The following OLFM3 variants were observed in gnomAD, a reference collection of about 807,000 sequenced individuals.
OLFM3 encodes noelin-3.
OLFM3 carries 20 observed loss-of-function variants against 48.6 expected under a neutral mutation model. That is an observed-to-expected ratio of 0.41 (90% CI 0.29 to 0.60). The LOEUF is 0.60. Among genes scored for constraint, OLFM3 ranks in the 20% least tolerant of loss-of-function variants. The pLI is 0.28. For missense variants in OLFM3, 437 were observed against 544.3 expected (o/e 0.80, Z 1.96); for synonymous variants, 222 against 198.1 (o/e 1.12, Z -1.01).
At chr1:101,842,972 G>A (rs1165186572) in intron 1 of OLFM3, among the ~76,000 whole-genome samples, 10 of 152,100 alleles carry the variant, frequency 6.6e-5, no homozygotes, top group African/African-American at 1.4e-4. Context: ...GCCCTATCAC[G>A]AAATGAGCAT....
At chr1:101,924,508 C>T (rs563658170) in intron 1 of OLFM3, among the ~76,000 whole-genome samples, 4 of 152,018 alleles carry the variant, frequency 2.6e-5, no homozygotes, top group Non-Finnish European at 5.9e-5. Context: ...GAAAATTAAC[C>T]CATTGTATTA....
At chr1:101,961,188 T>A (rs1660456625) in intron 1 of OLFM3, among the ~76,000 whole-genome samples, 1 of 152,052 alleles carries the variant, frequency 6.6e-6, no homozygotes, top group South Asian at 2.1e-4. Flanking sequence ...ATTAATGACT[T>A]TTGTAAATTT....
rs1403145426 is a variant in OLFM3 at position 101,991,008 on chromosome 1, AAAAAAAAAATATAT to A, written c.69+5726_69+5739del. ...AAAAAGTAAAAAAAAAAAAAAAAAA[AAAAAAAAAATATAT>A]ATATATATATATATATATACTTCGT... On this transcript the variant is annotated intron_variant, in intron 1 of 5. Transcript: ENST00000370103. Among the ~76,000 whole-genome samples, 4 of 98,248 alleles carry A rather than the reference AAAAAAAAAATATAT, an allele frequency of 4.1e-5. No individual in the cohort carries two copies. In the East Asian group the frequency reaches 8.9e-4, roughly 22 times the overall value. 64.5% of individuals were successfully genotyped at this position (98,248 alleles called of 152,430 possible).
intron 1 of OLFM3, among the ~76,000 whole-genome samples, chr1:101,965,870 A>C (rs972856277): frequency 2.0e-5 from 3 of 152,204 alleles, no homozygotes; most frequent in Non-Finnish European, 2.9e-5. Flanking sequence ...GGGGCTGATC[A>C]TTGCCTTTTG....
intron 2 of OLFM3, among the ~76,000 whole-genome samples, chr1:101,835,044 T>C (rs1204670382): frequency 1.3e-5 from 2 of 152,212 alleles, no homozygotes; most frequent in East Asian, 3.8e-4. Flanking sequence ...TAGGTGTGAA[T>C]ATGTAATGCT....
intron 1 of OLFM3, among the ~76,000 whole-genome samples, chr1:101,964,661 C>T (rs1205758309): frequency 6.6e-6 from 1 of 152,164 alleles, no homozygotes; most frequent in Non-Finnish European, 1.5e-5. Context: ...ATTTTCACCT[C>T]ACAATCATGA....
intron 1 of OLFM3, among the ~76,000 whole-genome samples, chr1:101,956,095 T>TATTTTA (rs1553183049): frequency 2.8e-5 from 4 of 143,714 alleles, no homozygotes; most frequent in Non-Finnish European, 4.5e-5. Flanking sequence ...GGTTTTTTTT[T>TATTTTA]TTTTTTTTAA....
chr1:101,841,040 A>C (rs1570549284), intron 1 of OLFM3, among the ~76,000 whole-genome samples: 1 of 152,220 alleles, frequency 6.6e-6, no homozygotes, highest in Non-Finnish European at 1.5e-5. Flanking sequence ...AGTTTTAACA[A>C]TTGTATTACA....
chr1:101,845,290 A>C (rs1020411042), intron 1 of OLFM3, among the ~76,000 whole-genome samples: 77 of 152,236 alleles, frequency 5.1e-4, no homozygotes, highest in Admixed American at 5.0e-3. Flanking sequence ...ACAATTTTTC[A>C]ATCAGTAAGT....
chr1:101,863,394 A>T (rs906728618), intron 1 of OLFM3, among the ~76,000 whole-genome samples: 4 of 152,258 alleles, frequency 2.6e-5, no homozygotes, highest in Non-Finnish European at 5.9e-5. Context: ...TCTTTCTGCT[A>T]CATAACAGCC....
intron 4 of OLFM3, among the ~76,000 whole-genome samples, chr1:101,808,795 C>T (rs1653907444): frequency 6.6e-6 from 1 of 151,486 alleles, no homozygotes; most frequent in African/African-American, 2.4e-5. Flanking sequence ...TATGTATAAC[C>T]GAGGATGGCC....
At position 101,858,553 on chromosome 1, in the gene OLFM3, G is replaced by A. The variant is rs375973400; in HGVS notation, c.70-21528C>T. 1.3e-4 allele frequency among the ~76,000 whole-genome samples: 20 copies of A among 152,106 alleles called. 1 individual carries two copies. Among genetic ancestry groups the A allele is most frequent in the East Asian group, 9.6e-4 (5 of 5,182 alleles). ...GGATTTGTGTCCCCACCCAAATCTC[G>A]TATCAAATTGTAATTCTCAATGTTG... On this transcript the variant is annotated intron_variant, in intron 1 of 5. Transcript: ENST00000370103.
intron 1 of OLFM3, among the ~76,000 whole-genome samples, chr1:101,860,370 G>T (rs1177871636): frequency 6.6e-6 from 1 of 152,040 alleles, no homozygotes; most frequent in African/African-American, 2.4e-5. Flanking sequence ...AACTCAGCAT[G>T]AATAACAGTC....
In OLFM3 at chr1:101,958,167, C is replaced by T. The variant is rs532375279; in HGVS notation, c.69+38581G>A. On this transcript the variant is annotated intron_variant, in intron 1 of 5. Coordinates refer to ENST00000370103, the MANE Select transcript of OLFM3 (RefSeq NM_058170.4). ...TAAAGGCATAGCAGGAAAAAAGCCA[C>T]ATTATATGCTTTACTCAGTACTGAA... 3.9e-5 allele frequency among the ~76,000 whole-genome samples: 6 copies of T among 152,196 alleles called. No homozygotes were observed. The East Asian group carries it at 1.2e-3, about 29-fold the overall frequency.
chr1:101,855,015 A>C (rs1262751867), intron 1 of OLFM3, among the ~76,000 whole-genome samples: 1 of 152,140 alleles, frequency 6.6e-6, no homozygotes, highest in Non-Finnish European at 1.5e-5. Flanking sequence ...GGAAGAAAGC[A>C]TAAGCACAAA....
Position 101,933,424 on chromosome 1 carries a change from C to T in OLFM3, c.69+63324G>A, listed in dbSNP as rs759079746. 2.2e-4 allele frequency among the ~76,000 whole-genome samples: 33 copies of T among 151,588 alleles called. 1 individual carries two copies. The highest frequency in any genetic ancestry group is 4.6e-4 in the African/African-American group (19 of 41,344). On this transcript the variant is annotated intron_variant, in intron 1 of 5. Transcript: ENST00000370103. ...TAGACAAAAATAAAGAAAAATCAAACGAAGAAGAATGAACCAAACCTCCAA... is the reference window on the plus strand; with the variant it reads ...TAGACAAAAATAAAGAAAAATCAAATGAAGAAGAATGAACCAAACCTCCAA...
chr1:101,910,385 G>A (rs367641650), intron 1 of OLFM3, among the ~76,000 whole-genome samples: 1 of 151,526 alleles, frequency 6.6e-6, no homozygotes, highest in Non-Finnish European at 1.5e-5. Flanking sequence ...AGAATGGCGT[G>A]AACCCGGGAG....
chr1:101,841,852 A>G (rs1445165141), intron 1 of OLFM3, among the ~76,000 whole-genome samples: 1 of 152,250 alleles, frequency 6.6e-6, no homozygotes, highest in African/African-American at 2.4e-5. Flanking sequence ...AATAAAGCCT[A>G]AATAAATCTG....
At chr1:101,838,432 T>C (rs1351988393) in intron 1 of OLFM3, among the ~76,000 whole-genome samples, 4 of 152,238 alleles carry the variant, frequency 2.6e-5, no homozygotes, top group Admixed American at 2.0e-4. Context: ...ATAAGCATTA[T>C]TATTTTTTAT....
Sources: allele counts gnomAD v4.1 joint callset (sites outside exome capture counted in the v4.1 genomes callset), GRCh38; gene constraint gnomAD v4.1.1; transcripts MANE v1.5; gene names NCBI Gene and HGNC (gene_info 2026-07-23, HGNC 2026-07-21).